The following MMP26 variants were observed in gnomAD, a reference collection of about 807,000 sequenced individuals.
MMP26 encodes matrix metalloproteinase-26.
Under a neutral mutation model 31.0 loss-of-function variants are expected in MMP26, and 33 were observed. That is an observed-to-expected ratio of 1.06 (90% CI 0.81 to 1.42). MMP26 has a LOEUF of 1.42. MMP26 is among the 40% of genes most tolerant of loss of function. MMP26 has a pLI of 0.00. For missense variants in MMP26, 347 were observed against 316.1 expected, an observed-to-expected ratio of 1.10 and a Z score of -0.74; for synonymous variants, 122 against 114.9, an observed-to-expected ratio of 1.06 and a Z score of -0.40.
At chr11:4,895,000 G>A (rs1292702552) in intron 2 of MMP26, among the ~76,000 whole-genome samples, 1 of 152,090 alleles carries the variant, frequency 6.6e-6, no homozygotes, top group East Asian at 1.9e-4. Flanking sequence ...GGTAGAGTTG[G>A]CAAAGCCCTA....
At chr11:4,722,300 G>A (rs184841160) in intron 1 of MMP26, among the ~76,000 whole-genome samples, 1 of 152,014 alleles carries the variant, frequency 6.6e-6, no homozygotes, top group African/African-American at 2.4e-5. Flanking sequence ...TCTGAATTTT[G>A]TTTATTTCCT....
At chr11:4,881,813 T>C (rs772617942) in intron 2 of MMP26, 2 of 1,182,792 alleles carry the variant, frequency 1.7e-6, no homozygotes, top group South Asian at 1.4e-5. Context: ...TAAAATTGTA[T>C]ATAAAATGAC....
intron 2 of MMP26, among the ~76,000 whole-genome samples, chr11:4,925,856 G>A (rs1851265091): frequency 6.6e-6 from 1 of 151,886 alleles, no homozygotes; most frequent in Admixed American, 6.6e-5. Flanking sequence ...CTAAGTCACT[G>A]TTAATTTTTC....
Position 4,946,893 on chromosome 11 carries a change from T to C in MMP26, c.-144-41175T>C, listed in dbSNP as rs1184207545. 40 of 1,606,404 alleles carry C rather than the reference T, an allele frequency of 2.5e-5. No homozygotes were observed. The East Asian group carries it at 8.0e-4, about 32-fold the overall frequency. ...GATAAAGACAAACCCAAGTCTGACA[T>C]AGCCAACATGGAAAGAAAATAGTAC... is the stretch of plus-strand genomic sequence containing the variant. On this transcript the variant is annotated intron_variant, in intron 2 of 7. Coordinates refer to ENST00000380390, the MANE Select transcript of MMP26 (RefSeq NM_021801.5).
At chr11:4,979,800 A>G (rs1167339342) in intron 2 of MMP26, among the ~76,000 whole-genome samples, 1 of 152,096 alleles carries the variant, frequency 6.6e-6, no homozygotes, top group African/African-American at 2.4e-5. Context: ...CATTAGCCTT[A>G]GGTACATGAC....
At chr11:4,767,887 A>G (rs976143524) in intron 2 of MMP26, among the ~76,000 whole-genome samples, 4 of 152,178 alleles carry the variant, frequency 2.6e-5, no homozygotes, top group Non-Finnish European at 4.4e-5. Context: ...TTCTGCCATT[A>G]TATGCAATTG....
intron 2 of MMP26, among the ~76,000 whole-genome samples, chr11:4,981,522 G>A (rs1846813342): frequency 6.6e-6 from 1 of 152,074 alleles, no homozygotes; most frequent in Non-Finnish European, 1.5e-5. Flanking sequence ...ACTTTGGTAG[G>A]GCACTTACTA....
At chr11:4,768,263 A>G (rs1165000630) in intron 2 of MMP26, among the ~76,000 whole-genome samples, 1 of 152,176 alleles carries the variant, frequency 6.6e-6, no homozygotes, top group Admixed American at 6.5e-5. Context: ...ATAAATTAGC[A>G]AGTGTGCCTC....
chr11:4,707,236 A>G (rs1188722299), intron 1 of MMP26, among the ~76,000 whole-genome samples: 1 of 152,196 alleles, frequency 6.6e-6, no homozygotes, highest in Non-Finnish European at 1.5e-5. Context: ...ATGAGGTTAT[A>G]TCTCACTGTG....
intron 2 of MMP26, among the ~76,000 whole-genome samples, chr11:4,934,898 T>C (rs1477687676): frequency 6.6e-6 from 1 of 151,402 alleles, no homozygotes; most frequent in Admixed American, 6.6e-5. Flanking sequence ...GTATGCGGCG[T>C]TATTTCTGAG....
At chr11:4,833,590 G>A (rs747083414) in intron 2 of MMP26, among the ~76,000 whole-genome samples, 1 of 152,196 alleles carries the variant, frequency 6.6e-6, no homozygotes, top group African/African-American at 2.4e-5. Flanking sequence ...TACCTAGAAA[G>A]TTGTTAAAAT....
At chr11:4,801,792 G>A (rs768257784) in intron 2 of MMP26, among the ~76,000 whole-genome samples, 20 of 151,836 alleles carry the variant, frequency 1.3e-4, no homozygotes, top group East Asian at 5.8e-4. Flanking sequence ...CGCCTGCCTC[G>A]GCTCCCGAAG....
chr11:4,934,167 T>G (rs1410968505), intron 2 of MMP26, among the ~76,000 whole-genome samples: 1 of 138,804 alleles, frequency 7.2e-6, no homozygotes, highest in Non-Finnish European at 1.6e-5. Context: ...CCACAATGGT[T>G]GAACTAGTTT....
chr11:4,936,050 T>A (rs1165849145), intron 2 of MMP26, among the ~76,000 whole-genome samples: 1 of 142,960 alleles, frequency 7.0e-6, no homozygotes, highest in African/African-American at 2.6e-5. Context: ...TTTTTGGTTG[T>A]GTCTCTGCCT....
At chr11:4,861,722 G>T (rs1250045800) in intron 2 of MMP26, among the ~76,000 whole-genome samples, 1 of 151,964 alleles carries the variant, frequency 6.6e-6, no homozygotes, top group East Asian at 1.9e-4. Flanking sequence ...ATAATACTTA[G>T]CCCAGTTCCT....
At chr11:4,982,272 T>C (rs1846824927) in intron 2 of MMP26, among the ~76,000 whole-genome samples, 1 of 152,076 alleles carries the variant, frequency 6.6e-6, no homozygotes, top group Non-Finnish European at 1.5e-5. Context: ...GGATTGGTGG[T>C]GAAGTCAGTT....
intron 1 of MMP26, chr11:4,723,088 G>T: frequency 1.4e-6 from 2 of 1,412,888 alleles, no homozygotes; most frequent in Non-Finnish European, 2.0e-6. Flanking sequence ...GTCACGGCAT[G>T]TTCTGCTTGG....
In MMP26 at chr11:4,975,455, G is replaced by T. The variant is rs1846723767; in HGVS notation, c.-144-12613G>T. ...TGAAAAGAGTGAGATTAAGTCTTCA[G>T]TGGAAAACTGAAGATTTATTCTATC... On this transcript the variant is annotated intron_variant, in intron 2 of 7. Coordinates refer to ENST00000380390, the MANE Select transcript of MMP26 (RefSeq NM_021801.5). 2.6e-5 allele frequency among the ~76,000 whole-genome samples: 4 copies of T among 152,030 alleles called. No homozygotes were observed. The South Asian group carries it at 8.3e-4, about 32-fold the overall frequency.
intron 2 of MMP26, among the ~76,000 whole-genome samples, chr11:4,969,364 C>T (rs1489118141): frequency 6.6e-6 from 1 of 151,888 alleles, no homozygotes; most frequent in Non-Finnish European, 1.5e-5. Context: ...TTAGAAATGA[C>T]CTAGATACTT....
Sources: allele counts gnomAD v4.1 joint callset (sites outside exome capture counted in the v4.1 genomes callset), GRCh38; gene constraint gnomAD v4.1.1; transcripts MANE v1.5; gene names NCBI Gene and HGNC (gene_info 2026-07-23, HGNC 2026-07-21).